Variants in SMAD6 observed in about 807,000 individuals in gnomAD.
SMAD6 encodes the protein SMAD family member 6.
SMAD6 carries 103 observed loss-of-function variants against 39.4 expected under a neutral mutation model. The ratio of observed to expected loss-of-function variants is 2.62; its 90% CI spans 2.23 to 3.08. SMAD6 has a LOEUF of 3.08. Ranked by LOEUF, SMAD6 falls within the 30% of genes most tolerant of loss-of-function variation. The pLI is 0.00. For synonymous variants in SMAD6, 445 were observed against 353.3 expected (o/e 1.26, Z -2.91); for missense variants, 1,104 against 742.9 (o/e 1.49, Z -5.65).
intron 1 of SMAD6, chr15:66,707,850 T>C (rs1295555234): frequency 2.0e-5 from 3 of 152,270 alleles, no homozygotes; most frequent in Non-Finnish European, 2.9e-5. Flanking sequence ...GATCTTTTCC[T>C]AAGCAAGATG....
At chr15:66,760,669 A>G (rs1324383868) in intron 3 of SMAD6, among the ~76,000 whole-genome samples, 6 of 152,066 alleles carry the variant, frequency 3.9e-5, no homozygotes, top group Non-Finnish European at 8.8e-5. Context: ...TTGATTCCAA[A>G]TCCCACAGGG....
At chr15:66,735,544 A>G (rs764168338) in intron 3 of SMAD6, among the ~76,000 whole-genome samples, 9 of 152,230 alleles carry the variant, frequency 5.9e-5, no homozygotes, top group Admixed American at 2.0e-4. Flanking sequence ...TTGGGTTCTT[A>G]GAAGCACAGC....
intron 3 of SMAD6, among the ~76,000 whole-genome samples, chr15:66,726,447 G>T (rs932773050): frequency 6.6e-6 from 1 of 152,172 alleles, no homozygotes; most frequent in Admixed American, 6.5e-5. Flanking sequence ...GGGTTGGGGG[G>T]CTAGGTGATG....
At chr15:66,776,058 T>A (rs1894462843) in intron 3 of SMAD6, among the ~76,000 whole-genome samples, 1 of 152,230 alleles carries the variant, frequency 6.6e-6, no homozygotes, top group South Asian at 2.1e-4. Context: ...TGTGAGAGAA[T>A]GGAGCTAAAG....
At chr15:66,777,674 C>T (rs1158355289) in intron 3 of SMAD6, among the ~76,000 whole-genome samples, 1 of 152,208 alleles carries the variant, frequency 6.6e-6, no homozygotes, top group East Asian at 1.9e-4. Flanking sequence ...AGCGCAGACA[C>T]CTGTTAAGGC....
chr15:66,751,029 C>T (rs1893996204), intron 3 of SMAD6, among the ~76,000 whole-genome samples: 1 of 152,202 alleles, frequency 6.6e-6, no homozygotes, highest in South Asian at 2.1e-4. Context: ...CCACCCCCTG[C>T]ACTGGTCTCC....
At chr15:66,711,605 A>T in intron 1 of SMAD6, 63 bp from the exon 2 acceptor site, 1 of 1,242,680 alleles carries the variant, frequency 8.0e-7, no homozygotes, top group South Asian at 1.2e-5. Flanking sequence ...AATTAAAAGC[A>T]TGTAGAACCT....
At position 66,781,393 on chromosome 15, in the gene SMAD6, C is replaced by T. The variant is rs761715521; in HGVS notation, c.1349C>T (p.Pro450Leu). The T allele has an allele frequency of 5.0e-6, 8 of 1,602,188 alleles. No individual in the cohort carries two copies. The highest frequency in any genetic ancestry group is 6.8e-6 in the Non-Finnish European group (8 of 1,177,750). Residue 450 changes from proline (P) to leucine (L), a missense_variant, in exon 4 of 4, where the codon CCC (proline) becomes CTC (leucine). Physicochemically the swap from Pro to Leu is moderately conservative, Grantham distance 98. Transcript: ENST00000288840. ...DFERSGLQHA[P>L]EPDAADGPYD... ...GAGCGCTCGGGCCTGCAGCACGCGC[C>T]CGAGCCCGACGCCGCCGACGGCCCC...
intron 3 of SMAD6, among the ~76,000 whole-genome samples, chr15:66,744,215 AC>A (rs1341539005): frequency 6.6e-6 from 1 of 152,118 alleles, no homozygotes; most frequent in Non-Finnish European, 1.5e-5. Context: ...AGTCGAAAAA[AC>A]AAAAACCGCG....
At chr15:66,766,416 G>C (rs1894289488) in intron 3 of SMAD6, among the ~76,000 whole-genome samples, 1 of 152,222 alleles carries the variant, frequency 6.6e-6, no homozygotes, top group Non-Finnish European at 1.5e-5. Context: ...CTTGTCAGCT[G>C]TGTGACTTAG....
chr15:66,781,636 AC>A lies in SMAD6; in HGVS notation c.*107del. 2 of 709,614 alleles carry A rather than the reference AC, an allele frequency of 2.8e-6. No homozygotes were observed. The highest frequency in any genetic ancestry group is 4.3e-6 in the Non-Finnish European group (2 of 461,950). 44.0% of individuals were successfully genotyped at this position (709,614 alleles called of 1,614,324 possible). A position where few individuals can be genotyped will look rare whatever the true frequency, so the allele number is the denominator to read the frequency against. ...CAGAGACACAGCCCCCACGGACAAA[AC>A]CCCCCAGATATCATCTACCTAGATT... is the stretch of plus-strand genomic sequence containing the variant. On this transcript the variant is annotated 3_prime_UTR_variant, in exon 4 of 4. Transcript: ENST00000288840.
At chr15:66,718,813 A>AG (rs1226392549) in intron 3 of SMAD6, among the ~76,000 whole-genome samples, 1 of 151,900 alleles carries the variant, frequency 6.6e-6, no homozygotes, top group Non-Finnish European at 1.5e-5. Context: ...GAAATGGCCT[A>AG]GGGGGTGACA....
chr15:66,723,925 G>C (rs1316513880), intron 3 of SMAD6, among the ~76,000 whole-genome samples: 1 of 152,086 alleles, frequency 6.6e-6, no homozygotes, highest in African/African-American at 2.4e-5. Flanking sequence ...AGTATTCAGG[G>C]GGCATTCACC....
At chr15:66,724,432 T>A (rs540299734) in intron 3 of SMAD6, among the ~76,000 whole-genome samples, 3 of 152,164 alleles carry the variant, frequency 2.0e-5, no homozygotes, top group African/African-American at 7.2e-5. Flanking sequence ...CCAGGTACTC[T>A]CTAAGTGCCA....
chr15:66,774,166 G>A (rs914325195), intron 3 of SMAD6, among the ~76,000 whole-genome samples: 7 of 152,222 alleles, frequency 4.6e-5, no homozygotes, highest in African/African-American at 9.7e-5. Flanking sequence ...AAAGGAAAGC[G>A]GGGAGCCGGA....
intron 3 of SMAD6, among the ~76,000 whole-genome samples, chr15:66,730,286 C>T (rs555617267): frequency 3.3e-5 from 5 of 152,136 alleles, no homozygotes; most frequent in African/African-American, 1.2e-4. Context: ...CTCTTTCTGA[C>T]AGCTTCTTTT....
chr15:66,711,732 T>C lies in SMAD6; in HGVS notation c.874+8T>C, dbSNP rs780559917. The stretch of plus-strand genomic sequence containing the variant: ...ACGAGTACAAGCCACTGGGTAAGTG[T>C]GCCCTCCTTCCTACCCTTGCAGAGG... On this transcript the variant is annotated splice_region_variant and intron_variant, in intron 2 of 3. Transcript: ENST00000288840. The C allele has an allele frequency of 2.5e-5, 41 of 1,610,810 alleles. No homozygotes were observed. Among genetic ancestry groups the C allele is most frequent in the Non-Finnish European group, 3.5e-5 (41 of 1,177,504 alleles).
At chr15:66,711,752 C>G (rs1893235638) in intron 2 of SMAD6, 28 bp downstream of exon 2, 5 of 1,589,324 alleles carry the variant, frequency 3.1e-6, no homozygotes, top group Non-Finnish European at 4.3e-6. Context: ...CCTACCCTTG[C>G]AGAGGTGTGT....
chr15:66,749,764 G>C (rs1480795791), intron 3 of SMAD6, among the ~76,000 whole-genome samples: 1 of 152,118 alleles, frequency 6.6e-6, no homozygotes, highest in African/African-American at 2.4e-5. Context: ...ATCCTCCTGG[G>C]TCCAGGGACT....
Sources: allele counts gnomAD v4.1 joint callset (sites outside exome capture counted in the v4.1 genomes callset), GRCh38; gene constraint gnomAD v4.1.1; transcripts MANE v1.5; gene names NCBI Gene and HGNC (gene_info 2026-07-23, HGNC 2026-07-21).